The following ZFHX3 variants were observed in gnomAD, a reference collection of about 807,000 sequenced individuals.
ZFHX3 encodes zinc finger homeobox 3.
In ZFHX3, 42 loss-of-function variants were observed where a neutral mutation model predicts 279.1. That is an observed-to-expected ratio of 0.15 (90% CI 0.12 to 0.19). ZFHX3 has a LOEUF of 0.19. Ranked by LOEUF, ZFHX3 falls within the 10% of genes least tolerant of loss-of-function variation. The pLI is 1.00. For missense variants in ZFHX3, 4,981 were observed against 4,754.0 expected (o/e 1.05, Z -1.40); for synonymous variants, 2,293 against 1,957.8 (o/e 1.17, Z -4.52).
intron 1 of ZFHX3, among the ~76,000 whole-genome samples, chr16:73,000,287 C>T (rs1694066092): frequency 6.6e-6 from 1 of 152,196 alleles, no homozygotes; most frequent in Non-Finnish European, 1.5e-5. Context: ...GAAGGAGGCG[C>T]CTCTTCTTGG....
chr16:72,968,231 G>A (rs1364020711), intron 1 of ZFHX3, among the ~76,000 whole-genome samples: 1 of 151,988 alleles, frequency 6.6e-6, no homozygotes, highest in Non-Finnish European at 1.5e-5. Flanking sequence ...AAATCCAACT[G>A]AGGACAGTCT....
chr16:73,496,839 C>T (rs1010049077), intron 2 of ZFHX3, among the ~76,000 whole-genome samples: 4 of 152,160 alleles, frequency 2.6e-5, no homozygotes, highest in African/African-American at 9.7e-5. Context: ...TAGGAGGCTT[C>T]CCCTCGCCTC....
intron 3 of ZFHX3, among the ~76,000 whole-genome samples, chr16:73,407,357 A>C (rs762401224): frequency 9.9e-5 from 15 of 152,204 alleles, no homozygotes; most frequent in Non-Finnish European, 1.8e-4. Flanking sequence ...GAAGGGCCTG[A>C]ATGCTGGTTT....
chr16:73,591,714 A>AAAAAAAG (rs2052001016), intron 2 of ZFHX3, among the ~76,000 whole-genome samples: 3 of 145,354 alleles, frequency 2.1e-5, no homozygotes, highest in Non-Finnish European at 4.6e-5. Context: ...AAAAAAAAAA[A>AAAAAAAG]AAAAGAAAAG....
intron 1 of ZFHX3, among the ~76,000 whole-genome samples, chr16:73,868,205 T>C (rs1277253172): frequency 6.6e-6 from 1 of 152,202 alleles, no homozygotes; most frequent in East Asian, 1.9e-4. Flanking sequence ...ATCTACAGTG[T>C]CCACATCACC....
intron 1 of ZFHX3, among the ~76,000 whole-genome samples, chr16:72,984,625 C>CAAAAAAAAAAAAAAA (rs60014247): frequency 7.5e-6 from 1 of 132,636 alleles, no homozygotes. Flanking sequence ...GACTCTGACT[C>CAAAAAAAAAAAAAAA]AAAAAAAAAA....
intron 1 of ZFHX3, among the ~76,000 whole-genome samples, chr16:73,869,482 A>G (rs926549794): frequency 6.6e-5 from 10 of 152,258 alleles, no homozygotes; most frequent in Admixed American, 5.9e-4. Flanking sequence ...CACCATAGAT[A>G]AAATACACTC....
At chr16:73,846,729 A>C (rs1207114298) in intron 1 of ZFHX3, among the ~76,000 whole-genome samples, 1 of 152,162 alleles carries the variant, frequency 6.6e-6, no homozygotes, top group Non-Finnish European at 1.5e-5. Flanking sequence ...TCATTCTCAG[A>C]GGCAAATCTT....
At chr16:73,435,571 A>G (rs2017983271) in intron 3 of ZFHX3, among the ~76,000 whole-genome samples, 2 of 152,148 alleles carry the variant, frequency 1.3e-5, no homozygotes, top group African/African-American at 4.8e-5. Flanking sequence ...CTTAGATGCC[A>G]TTAGCACTTC....
At chr16:73,677,031 A>T (rs1310721255) in intron 2 of ZFHX3, among the ~76,000 whole-genome samples, 1 of 152,024 alleles carries the variant, frequency 6.6e-6, no homozygotes. Context: ...CAGTTGGTCA[A>T]AGAAGACCAA....
At chr16:73,849,553 T>C (rs1038730582) in intron 1 of ZFHX3, among the ~76,000 whole-genome samples, 1 of 152,198 alleles carries the variant, frequency 6.6e-6, no homozygotes, top group African/African-American at 2.4e-5. Flanking sequence ...TTGGGAATGA[T>C]TATGAAATGA....
At chr16:73,185,854 G>C (rs1480723548) in intron 5 of ZFHX3, among the ~76,000 whole-genome samples, 1 of 152,090 alleles carries the variant, frequency 6.6e-6, no homozygotes, top group Non-Finnish European at 1.5e-5. Flanking sequence ...TCAGGAGCCG[G>C]ATCACACAGC....
intron 5 of ZFHX3, among the ~76,000 whole-genome samples, chr16:72,828,276 C>A (rs1270771208): frequency 6.6e-6 from 1 of 152,178 alleles, no homozygotes; most frequent in African/African-American, 2.4e-5. Context: ...CAAATAAAAT[C>A]ATTTTTGTTG....
At chr16:72,874,721 T>C (rs934276640) in intron 4 of ZFHX3, among the ~76,000 whole-genome samples, 2 of 150,580 alleles carry the variant, frequency 1.3e-5, no homozygotes, top group African/African-American at 4.9e-5. Flanking sequence ...CTCAAACTTC[T>C]GGGCTCCCAG....
At chr16:73,113,703 T>C (rs750094207) in intron 7 of ZFHX3, among the ~76,000 whole-genome samples, 2 of 151,548 alleles carry the variant, frequency 1.3e-5, no homozygotes, top group Non-Finnish European at 2.9e-5. Context: ...TGGTTCCTAC[T>C]AATGGGGTAT....
At chr16:72,820,211 G>A (rs1429713201) in intron 5 of ZFHX3, among the ~76,000 whole-genome samples, 3 of 152,198 alleles carry the variant, frequency 2.0e-5, no homozygotes, top group Non-Finnish European at 4.4e-5. Context: ...AAGGTGGGAT[G>A]GTGGGCACAC....
intron 1 of ZFHX3, among the ~76,000 whole-genome samples, chr16:73,735,076 T>C (rs911072389): frequency 6.6e-6 from 1 of 152,174 alleles, no homozygotes; most frequent in African/African-American, 2.4e-5. Flanking sequence ...AATTAACTAC[T>C]TTAACCACGT....
intron 3 of ZFHX3, among the ~76,000 whole-genome samples, chr16:73,336,085 G>C (rs980529304): frequency 6.6e-6 from 1 of 152,140 alleles, no homozygotes. Context: ...GCTCCCATTC[G>C]TTCTGGGGTG....
intron 1 of ZFHX3, among the ~76,000 whole-genome samples, chr16:73,799,130 C>T (rs1158010553): frequency 6.6e-6 from 1 of 152,152 alleles, no homozygotes; most frequent in East Asian, 1.9e-4. Flanking sequence ...ACCCTGGAGG[C>T]ACCAATGAGG....
Sources: gnomAD v4.1 joint callset for allele counts (sites outside exome capture counted in the v4.1 genomes callset) on GRCh38, gnomAD v4.1.1 for gene constraint, MANE v1.5 for transcripts, NCBI Gene and HGNC (gene_info 2026-07-23, HGNC 2026-07-21) for gene names.